Variants in FGD4 observed in about 807,000 individuals in gnomAD.
FGD4 encodes the protein FYVE, RhoGEF and PH domain containing 4.
A neutral mutation model predicts 102.0 loss-of-function variants in FGD4; 42 were observed. That is an observed-to-expected ratio of 0.41 (90% confidence interval 0.32 to 0.53). The LOEUF (loss-of-function observed/expected upper bound fraction) is 0.53, where lower values mean the gene tolerates loss of function less well. FGD4 is among the 20% of genes least tolerant of loss of function. The pLI, the probability that FGD4 is intolerant of heterozygous loss-of-function variation, is 0.21. For synonymous variants in FGD4, 380 were observed against 375.7 expected, an observed-to-expected ratio of 1.01 and a Z score of -0.13; for missense variants, 902 against 1,078.2, an observed-to-expected ratio of 0.84 and a Z score of 2.29.
chr12:32,491,146 A>AAT, intron 1 of FGD4, among the ~76,000 whole-genome samples: 1 of 151,066 alleles, frequency 6.6e-6, no homozygotes, highest in Admixed American at 6.6e-5. Flanking sequence ...AAAAAAAAAA[A>AAT]AAAACAAAAA....
chr12:32,569,513 T>C (rs1289462450), intron 2 of FGD4, among the ~76,000 whole-genome samples: 1 of 152,150 alleles, frequency 6.6e-6, no homozygotes, highest in Non-Finnish European at 1.5e-5. Context: ...AACAGTTCCT[T>C]CCACTTCAAG....
Position 32,495,706 on chromosome 12 carries a change from A to AAAAG in FGD4, c.167-68428_167-68427insGAAA, listed in dbSNP as rs1555188645. ...GAGAGACTCTGTTTCAAAAAAAAAA[A>AAAAG]AAAAAAGAAGCTTTTCAGAATCCCC... On this transcript the variant is annotated intron_variant, in intron 1 of 16. Coordinates refer to ENST00000534526, the MANE Select transcript of FGD4 (RefSeq NM_001370298.3). 4.4e-4 allele frequency among the ~76,000 whole-genome samples: 64 copies of AAAAG among 146,280 alleles called. 2 individuals are homozygous for AAAAG. Among genetic ancestry groups the AAAAG allele is most frequent in the Non-Finnish European group, 5.8e-4 (39 of 66,854 alleles).
At chr12:32,621,446 T>C (rs527973546) in intron 11 of FGD4, among the ~76,000 whole-genome samples, 2 of 152,330 alleles carry the variant, frequency 1.3e-5, no homozygotes, top group Admixed American at 1.3e-4. Flanking sequence ...AGACTCAGAA[T>C]GTTTTTCTGC....
At chr12:32,483,291 G>A (rs1458608390) in intron 1 of FGD4, among the ~76,000 whole-genome samples, 1 of 152,190 alleles carries the variant, frequency 6.6e-6, no homozygotes, top group East Asian at 1.9e-4. Context: ...ACAAGGCAGA[G>A]AATCTGTGCA....
intron 1 of FGD4, among the ~76,000 whole-genome samples, chr12:32,513,085 A>G (rs1011126097): frequency 1.3e-5 from 2 of 152,228 alleles, no homozygotes; most frequent in African/African-American, 4.8e-5. Flanking sequence ...ACTACAATGT[A>G]TGATGCAAGG....
intron 1 of FGD4, among the ~76,000 whole-genome samples, chr12:32,488,127 A>G (rs1336707830): frequency 6.6e-6 from 1 of 151,810 alleles, no homozygotes; most frequent in Non-Finnish European, 1.5e-5. Context: ...TCTTTGTTTT[A>G]TTAGGTTATC....
chr12:32,632,715 T>A (rs1269723013), intron 14 of FGD4, among the ~76,000 whole-genome samples: 1 of 95,928 alleles, frequency 1.0e-5, no homozygotes, highest in African/African-American at 4.3e-5. Flanking sequence ...ATTTATTTAT[T>A]TTTTTTTTTT....
chr12:32,566,873 C>T (rs1945231713), intron 2 of FGD4, among the ~76,000 whole-genome samples: 1 of 152,174 alleles, frequency 6.6e-6, no homozygotes, highest in South Asian at 2.1e-4. Flanking sequence ...GTTGCTGGGA[C>T]TTCAAGGTCA....
intron 14 of FGD4, among the ~76,000 whole-genome samples, chr12:32,632,713 ATT>A (rs372972257): frequency 7.3e-5 from 9 of 123,838 alleles, no homozygotes; most frequent in African/African-American, 1.2e-4. Flanking sequence ...TTATTTATTT[ATT>A]TTTTTTTTTT....
In FGD4 at chr12:32,416,454, T is replaced by G. The variant is rs140721978; in HGVS notation, c.166+16495T>G. 7.6e-3 allele frequency among the ~76,000 whole-genome samples: 1,162 copies of G among 152,344 alleles called. 12 individuals carry two copies. The highest frequency in any genetic ancestry group is 0.025 in the African/African-American group (1,051 of 41,586). ...TTTCCTGTCTTCCTTTTAGTGAAGATGATTTTCTCCAATGTTACGCTTTAA... is the reference window on the plus strand; with the variant it reads ...TTTCCTGTCTTCCTTTTAGTGAAGAGGATTTTCTCCAATGTTACGCTTTAA... On this transcript the variant is annotated intron_variant, in intron 1 of 16. Transcript: ENST00000534526.
At chr12:32,595,769 C>T (rs1456796063) in intron 4 of FGD4, among the ~76,000 whole-genome samples, 1 of 152,148 alleles carries the variant, frequency 6.6e-6, no homozygotes, top group Non-Finnish European at 1.5e-5. Flanking sequence ...AAGTTAAATC[C>T]AAACTTTGAC....
chr12:32,420,109 G>A (rs1941574653), intron 1 of FGD4, among the ~76,000 whole-genome samples: 1 of 152,134 alleles, frequency 6.6e-6, no homozygotes, highest in Non-Finnish European at 1.5e-5. Context: ...TGTTCCTCCT[G>A]GGGGTGAGGG....
intron 1 of FGD4, among the ~76,000 whole-genome samples, chr12:32,483,636 C>T (rs186852527): frequency 6.6e-6 from 1 of 152,288 alleles, no homozygotes; most frequent in African/African-American, 2.4e-5. Flanking sequence ...AACTCATTGG[C>T]ATATGGTCAG....
chr12:32,603,778 C>G (rs949601573), intron 7 of FGD4, among the ~76,000 whole-genome samples: 5 of 152,042 alleles, frequency 3.3e-5, no homozygotes, highest in African/African-American at 1.2e-4. Context: ...TCACAGCTCA[C>G]TGCAGCCTTG....
rs529075381 is a variant in FGD4 at position 32,477,148 on chromosome 12, C to T, written c.166+77189C>T. 3.7e-4 allele frequency among the ~76,000 whole-genome samples: 56 copies of T among 151,992 alleles called. No homozygotes were observed. In the South Asian group the frequency reaches 0.01, roughly 27 times the overall value. On this transcript the variant is annotated intron_variant, in intron 1 of 16. Coordinates refer to ENST00000534526, the MANE Select transcript of FGD4 (RefSeq NM_001370298.3). ...ACTAAAAGTACAAAAATTAGCCGGG[C>T]GTGGTGGTGGGTGCCTGTAATCCCA...
chr12:32,543,369 A>C (rs1218458907), intron 1 of FGD4, among the ~76,000 whole-genome samples: 1 of 152,124 alleles, frequency 6.6e-6, no homozygotes, highest in East Asian at 1.9e-4. Flanking sequence ...AGGTTTCATC[A>C]TGTAGACGTG....
chr12:32,466,867 C>CAAAA, intron 1 of FGD4, among the ~76,000 whole-genome samples: 1 of 62,790 alleles, frequency 1.6e-5, no homozygotes, highest in African/African-American at 6.1e-5. Flanking sequence ...GAGTCTGTCT[C>CAAAA]AAAAAAAAAA....
intron 4 of FGD4, among the ~76,000 whole-genome samples, chr12:32,594,859 G>A (rs992006842): frequency 5.9e-5 from 9 of 152,022 alleles, no homozygotes; most frequent in African/African-American, 1.7e-4. Flanking sequence ...GTGAAACCCC[G>A]TCTCTACTAA....
intron 1 of FGD4, among the ~76,000 whole-genome samples, chr12:32,480,740 C>A (rs1214764853): frequency 6.6e-6 from 1 of 151,160 alleles, no homozygotes; most frequent in Non-Finnish European, 1.5e-5. Flanking sequence ...ACCTCGTGAT[C>A]CGCCCTCCTT....
Sources: gnomAD v4.1 joint callset for allele counts (sites outside exome capture counted in the v4.1 genomes callset) on GRCh38, gnomAD v4.1.1 for gene constraint, MANE v1.5 for transcripts, NCBI Gene and HGNC (gene_info 2026-07-23, HGNC 2026-07-21) for gene names.